The following DENND2B variants were observed in gnomAD, a reference collection of about 807,000 sequenced individuals.
The protein encoded by DENND2B is DENN domain containing 2B.
A neutral mutation model predicts 116.0 loss-of-function variants in DENND2B; 32 were observed. The observed-to-expected ratio is 0.28, with a 90% CI of 0.21 to 0.37. The LOEUF is 0.37. Ranked by LOEUF, DENND2B falls within the 10% of genes least tolerant of loss-of-function variation. The pLI is 1.00. For missense variants in DENND2B, 1,276 were observed against 1,477.7 expected (o/e 0.86, Z 2.24); for synonymous variants, 588 against 583.9 (o/e 1.01, Z -0.10).
In DENND2B at chr11:8,702,143, C is replaced by T. The variant is rs571839184; in HGVS notation, c.2720+429G>A. The stretch of plus-strand genomic sequence containing the variant: ...GGCTCAGCATTCCTCACACTGTCCC[C>T]GGTCAGTGCTCTTGCCCCTTCCTCA... On this transcript the variant is annotated intron_variant, in intron 14 of 19. Coordinates refer to ENST00000313726, the MANE Select transcript of DENND2B (RefSeq NM_213618.2). This position sits in a 1 kb window ranked among gnomAD's most constrained non-coding sequence, Gnocchi z 4.6. Among the ~76,000 whole-genome samples the T allele has an allele frequency of 3.3e-5, 5 of 152,282 alleles. No individual in the cohort carries two copies. The highest frequency in any genetic ancestry group is 1.9e-4 in the East Asian group (1 of 5,180).
chr11:8,829,803 C>T (rs2062133297), intron 4 of DENND2B, among the ~76,000 whole-genome samples: 1 of 152,124 alleles, frequency 6.6e-6, no homozygotes, highest in Non-Finnish European at 1.5e-5. Flanking sequence ...CCCCAATCTC[C>T]CCTTCTATAA....
intron 1 of DENND2B, chr11:8,776,061 G>C: frequency 2.9e-6 from 1 of 346,802 alleles, no homozygotes; most frequent in Non-Finnish European, 5.7e-6. Flanking sequence ...TCCCTCTTCA[G>C]CCAGCCCTGG....
intron 14 of DENND2B, among the ~76,000 whole-genome samples, chr11:8,700,970 G>A (rs1287753251): frequency 6.6e-6 from 1 of 152,060 alleles, no homozygotes; most frequent in Non-Finnish European, 1.5e-5. Context: ...TACAGGCCCA[G>A]CTAATACAGG....
At chr11:8,828,816 C>T (rs1354698080) in intron 4 of DENND2B, among the ~76,000 whole-genome samples, 1 of 152,120 alleles carries the variant, frequency 6.6e-6, no homozygotes, top group East Asian at 1.9e-4. Flanking sequence ...GCTGCTCCAA[C>T]AGAGGAAGTT....
chr11:8,813,300 G>T (rs2061457431), upstream of DENND2B, among the ~76,000 whole-genome samples: 2 of 152,178 alleles, frequency 1.3e-5, no homozygotes, highest in South Asian at 4.1e-4. Flanking sequence ...CTTTAGTGAA[G>T]CAATCAGAGC....
chr11:8,758,834 GTCGC>G (rs2054076369), intron 1 of DENND2B, among the ~76,000 whole-genome samples: 1 of 152,190 alleles, frequency 6.6e-6, no homozygotes, highest in African/African-American at 2.4e-5. Context: ...GCAGGTAAGT[GTCGC>G]AGCTCTCTAG....
chr11:8,698,077 G>A (rs181084858), intron 16 of DENND2B: 2 of 307,004 alleles, frequency 6.5e-6, no homozygotes, highest in Non-Finnish European at 1.3e-5. Context: ...GCAGGTCGAG[G>A]CTGCAGTGTC....
chr11:8,776,197 T>C (rs897233657), intron 1 of DENND2B: 5 of 387,136 alleles, frequency 1.3e-5, no homozygotes, highest in Non-Finnish European at 2.6e-5. Flanking sequence ...CCTACCTCTC[T>C]CCAGGCAGGA....
intron 1 of DENND2B, chr11:8,910,709 A>AGTGTGTGTGTGTGTGTGTGTGTGTGTGT (rs56115841): frequency 1.4e-4 from 10 of 72,356 alleles, no homozygotes; most frequent in African/African-American, 4.6e-4. Flanking sequence ...ACTCCTGGCT[A>AGTGTGTGTGTGTGTGTGTGTGTGTGTGT]GTGTGTGTGT....
At chr11:8,694,449 C>T (rs562949024) in intron 19 of DENND2B, 7 of 447,998 alleles carry the variant, frequency 1.6e-5, no homozygotes, top group South Asian at 7.6e-5. Context: ...GAAGGGCACT[C>T]GCACTGCTGT....
intron 1 of DENND2B, among the ~76,000 whole-genome samples, chr11:8,802,925 C>T (rs754145233): frequency 9.2e-5 from 14 of 152,170 alleles, no homozygotes; most frequent in Non-Finnish European, 1.5e-4. Context: ...AGTCAAAATG[C>T]TTCCTAGAAT....
intron 9 of DENND2B, chr11:8,711,820 T>C: frequency 3.2e-6 from 1 of 314,962 alleles, no homozygotes; most frequent in South Asian, 2.7e-5. Context: ...TGAGCCGAGA[T>C]AGCGCCATTG....
At chr11:8,770,874 A>G (rs2056735228) in intron 1 of DENND2B, among the ~76,000 whole-genome samples, 1 of 152,118 alleles carries the variant, frequency 6.6e-6, no homozygotes, top group African/African-American at 2.4e-5. Context: ...CACTCCACGA[A>G]CGACTCCATA....
chr11:8,905,548 T>C (rs2064224819), intron 1 of DENND2B, among the ~76,000 whole-genome samples: 1 of 152,170 alleles, frequency 6.6e-6, no homozygotes, highest in African/African-American at 2.4e-5. Flanking sequence ...AAAAAATTAA[T>C]AAGTTGGAGT....
chr11:8,831,739 C>T, intron 4 of DENND2B: 1 of 152,150 alleles, frequency 6.6e-6, no homozygotes, highest in East Asian at 1.9e-4. Context: ...GGATTCACTC[C>T]CTAAATAATT....
At chr11:8,875,457 A>C (rs1054044841), upstream of DENND2B, among the ~76,000 whole-genome samples, 1 of 151,734 alleles carries the variant, frequency 6.6e-6, no homozygotes. Context: ...TTTTTTGAGA[A>C]AGAGTCTCTG....
At chr11:8,818,499 C>G (rs1398241473) in intron 4 of DENND2B, among the ~76,000 whole-genome samples, 1 of 152,086 alleles carries the variant, frequency 6.6e-6, no homozygotes, top group Non-Finnish European at 1.5e-5. Context: ...AGAGTAAGAT[C>G]TGGGCAAGGC....
At chr11:8,894,460 CA>C (rs897038959) in intron 1 of DENND2B, among the ~76,000 whole-genome samples, 1 of 151,932 alleles carries the variant, frequency 6.6e-6, no homozygotes, top group Non-Finnish European at 1.5e-5. Context: ...AGTGAACAGG[CA>C]ACCTACAAAA....
At chr11:8,793,264 G>A (rs1386221997) in intron 1 of DENND2B, among the ~76,000 whole-genome samples, 9 of 152,128 alleles carry the variant, frequency 5.9e-5, no homozygotes, top group Non-Finnish European at 8.8e-5. Flanking sequence ...TGTTCACAAT[G>A]TTGTGCAACC....
Sources: gnomAD v4.1 joint callset for allele counts (sites outside exome capture counted in the v4.1 genomes callset) on GRCh38, gnomAD v4.1.1 for gene constraint, Gnocchi (gnomAD v3.1) non-coding constraint, MANE v1.5 for transcripts, NCBI Gene and HGNC (gene_info 2026-07-23, HGNC 2026-07-21) for gene names.